Variants in KIF1A observed in about 807,000 individuals in gnomAD.
KIF1A encodes the protein kinesin-like protein KIF1A.
KIF1A carries 46 observed loss-of-function variants against 227.3 expected under a neutral mutation model. That is an observed-to-expected ratio of 0.20 (90% CI 0.16 to 0.26). KIF1A has a LOEUF of 0.26. KIF1A is among the 10% of genes least tolerant of loss of function. KIF1A has a pLI of 1.00. For missense variants in KIF1A, 1,683 were observed against 2,485.9 expected (o/e 0.68, Z 6.87); for synonymous variants, 1,022 against 1,012.8 (o/e 1.01, Z -0.17).
rs1034765624 is a variant in KIF1A, at chr2:240,757,513, G to C, written c.2664C>G (p.Pro888=). The C allele has an allele frequency of 6.4e-7, 1 of 1,550,554 alleles. No homozygotes were observed. The highest frequency in any genetic ancestry group is 8.7e-7 in the Non-Finnish European group (1 of 1,146,982). ...CGTCGGAGTCGGGGCTCGAGAAGGT[G>C]GGGGAGGGGGTGAGAGCAGCCATGC... ...SERMAALTPS[P]TFSSPDSDAT... is the part of the protein sequence containing the mutation. The change falls in exon 27 of 49, where the codon CCC becomes CCG. Residue 888 remains proline (P), a synonymous_variant. Coordinates refer to ENST00000498729, the MANE Select transcript of KIF1A (RefSeq NM_001244008.2). This position sits in a 1 kb window ranked among gnomAD's most constrained non-coding sequence, Gnocchi z 6.2.
chr2:240,782,555 C>T (rs2054203326), intron 10 of KIF1A, 35 bp downstream of exon 10: 11 of 1,550,116 alleles, frequency 7.1e-6, no homozygotes, highest in South Asian at 1.2e-5. Flanking sequence ...CACCAGCCTC[C>T]CGCACCTGCC....
In KIF1A at chr2:240,746,055, G is replaced by A; in HGVS notation, c.3186C>T (p.Asn1062=). ...GCGACCCACCTGAACAGGTGTTGTT[G>A]TTGACTTCATCGGCTGAGGGCCCCA... ...ADVGPSADEV[N]NNTCSAVPPE... Residue 1062 remains asparagine (N), a synonymous_variant, in exon 30 of 49, where the codon AAC becomes AAT. Transcript: ENST00000498729. 2 of 1,606,838 alleles carry A rather than the reference G, an allele frequency of 1.2e-6. No homozygotes were observed. The highest frequency in any genetic ancestry group is 1.1e-5 in the South Asian group (1 of 89,534).
intron 20 of KIF1A, among the ~76,000 whole-genome samples, chr2:240,763,735 C>T (rs2050812153): frequency 6.6e-6 from 1 of 152,234 alleles, no homozygotes; most frequent in Admixed American, 6.5e-5. Flanking sequence ...GGACTTGGGC[C>T]CTCCACAGAG....
chr2:240,719,690 C>A, intron 46 of KIF1A, 84 bp downstream of exon 46: 6 of 1,393,584 alleles, frequency 4.3e-6, no homozygotes, highest in Non-Finnish European at 5.7e-6. Context: ...GTCCCTGTGC[C>A]CCCAGTATGG....
chr2:240,721,845 T>G lies in KIF1A; in HGVS notation c.4705A>C (p.Thr1569Pro), dbSNP rs770450426. The G allele has an allele frequency of 1.1e-5, 17 of 1,607,568 alleles. No homozygotes were observed. The highest frequency in any genetic ancestry group is 1.4e-5 in the Non-Finnish European group (16 of 1,179,412). The change falls in exon 44 of 49, where the codon ACA (threonine) becomes CCA (proline). Residue 1569 changes from threonine (T) to proline (P), a missense_variant. Transcript: ENST00000498729. ...GCACTGACGCAGACGTGGCTGTGTGTGTACTCTCTGTTGAATGTGTGCGTG... is the reference window on the plus strand; with the variant it reads ...GCACTGACGCAGACGTGGCTGTGTGGGTACTCTCTGTTGAATGTGTGCGTG... ...LLTHTFNREY[T>P]HSHVCVSASE...
In KIF1A at chr2:240,766,453, A is replaced by G. The variant is rs2051191062; in HGVS notation, c.1684+462T>C. ...GATGGCCGCCCACAGCCAACAGGAA[A>G]CCAAGGTCTGGAAATAGTTTTCCAC... On this transcript the variant is annotated intron_variant, in intron 19 of 48. Coordinates refer to ENST00000498729, the MANE Select transcript of KIF1A (RefSeq NM_001244008.2). This position sits in a 1 kb window ranked among gnomAD's most constrained non-coding sequence, Gnocchi z 5.0. Among the ~76,000 whole-genome samples, 1 of 152,144 alleles carries G rather than the reference A, an allele frequency of 6.6e-6. No homozygotes were observed. Among genetic ancestry groups the G allele is most frequent in the Admixed American group, 6.5e-5 (1 of 15,278 alleles).
Position 240,792,523 on chromosome 2 carries a change from G to A in KIF1A, c.107-3211C>T, listed in dbSNP as rs888214637. 6.6e-6 allele frequency among the ~76,000 whole-genome samples: 1 copy of A among 152,128 alleles called. No homozygotes were observed. Among genetic ancestry groups the A allele is most frequent in the Non-Finnish European group, 1.5e-5 (1 of 68,008 alleles). On this transcript the variant is annotated intron_variant, in intron 2 of 48. Transcript: ENST00000498729. The surrounding 1 kb of genome is among the most constrained non-coding windows in gnomAD (Gnocchi z 4.5). Reference sequence around the variant, plus strand: ...ACACCGAGACGACAGAGACAGCGGGGGGAGGGTTGGGGTGAGGAGTGGGGG... The same window carrying A: ...ACACCGAGACGACAGAGACAGCGGGAGGAGGGTTGGGGTGAGGAGTGGGGG...
Position 240,758,455 on chromosome 2 carries a change from T to G in KIF1A, c.2487A>C (p.Ala829=). The part of the protein sequence containing the change: ...DLMREMYDRA[A]EVPSSVIEDC... ...CCTCGATGACACTGGAGGGCACCTC[T>G]GCAGCGCGGTCGTACATCTCCCGCA... Residue 829 remains alanine, a synonymous_variant, in exon 26 of 49, where the codon GCA becomes GCC. Transcript: ENST00000498729. This position sits in a 1 kb window ranked among gnomAD's most constrained non-coding sequence, Gnocchi z 5.2. 1 of 1,609,820 alleles carries G rather than the reference T, an allele frequency of 6.2e-7. No homozygotes were observed. The highest frequency in any genetic ancestry group is 8.5e-7 in the Non-Finnish European group (1 of 1,177,880).
At position 240,726,924 on chromosome 2, in the gene KIF1A, C is replaced by T; in HGVS notation, c.4024G>A (p.Glu1342Lys). Residue 1342 changes from glutamate to lysine, a missense_variant, in exon 39 of 49, where the codon GAG (glutamate) becomes AAG (lysine). Glu to Lys is a moderately conservative substitution (Grantham distance 56). Transcript: ENST00000498729. This position sits in a 1 kb window ranked among gnomAD's most constrained non-coding sequence, Gnocchi z 5.2. ...TGCATGGAGCTGTCCCACGCAGCCT[C>T]AAATTGGTAAAAGGTCCTGAAAGGA... ...AQDDRTFYQF[E>K]AAWDSSMHNS... 1.9e-6 allele frequency: 3 copies of T among 1,606,836 alleles called. No individual in the cohort carries two copies. Among genetic ancestry groups the T allele is most frequent in the Non-Finnish European group, 2.6e-6 (3 of 1,175,512 alleles).
rs2125824773 is a variant in KIF1A at position 240,750,435 on chromosome 2, T to C, written c.2971A>G (p.Ile991Val). The change falls in exon 28 of 49, where the codon ATC becomes GTC. Residue 991 changes from isoleucine to valine, a missense_variant. Coordinates refer to ENST00000498729, the MANE Select transcript of KIF1A (RefSeq NM_001244008.2). ...GCCTTTGGCCCACACGCACCTGAGA[T>C]GGCCTGGACGGCCACGCGGAGGAAG... ...KGFLRVAVQA[I>V]SADEEAPDYG... is the part of the protein sequence containing the mutation. 1 of 1,612,842 alleles carries C rather than the reference T, an allele frequency of 6.2e-7. No individual in the cohort carries two copies. The highest frequency in any genetic ancestry group is 8.5e-7 in the Non-Finnish European group (1 of 1,178,988).
intron 25 of KIF1A, among the ~76,000 whole-genome samples, chr2:240,759,696 G>A (rs1366814438): frequency 6.6e-6 from 1 of 152,198 alleles, no homozygotes; most frequent in Non-Finnish European, 1.5e-5. Context: ...CTCACATGGT[G>A]ACTCAGTCAC....
At chr2:240,784,073 G>T (rs571613740) in intron 7 of KIF1A, among the ~76,000 whole-genome samples, 1 of 152,310 alleles carries the variant, frequency 6.6e-6, no homozygotes, top group South Asian at 2.1e-4. Flanking sequence ...GCCACCACAC[G>T]CTGGGTGGTT....
At chr2:240,816,843 C>T (rs1296889672) in intron 1 of KIF1A, among the ~76,000 whole-genome samples, 1 of 152,200 alleles carries the variant, frequency 6.6e-6, no homozygotes, top group Non-Finnish European at 1.5e-5. Flanking sequence ...TCAGGAGGCT[C>T]AGTCTCCACC....
rs962460784 is a variant in KIF1A, at chr2:240,723,988, G to A, written c.4305C>T (p.Asp1435=). 8.7e-6 allele frequency: 14 copies of A among 1,612,386 alleles called. No individual in the cohort carries two copies. Among genetic ancestry groups the A allele is most frequent in the South Asian group, 3.3e-5 (3 of 91,070 alleles). Residue 1435 remains aspartate (D), a synonymous_variant, in exon 41 of 49, where the codon GAC becomes GAT. Transcript: ENST00000498729. ...VYELSLCHVA[D]AGSPGMQRRR... is the part of the protein sequence containing the mutation. ...GCAGATACCTACCTGGGCTGCCCGCGTCAGCCACGTGGCACAGGCTGAGCT... is the reference window on the plus strand; with the variant it reads ...GCAGATACCTACCTGGGCTGCCCGCATCAGCCACGTGGCACAGGCTGAGCT...
At chr2:240,748,721 G>T in intron 28 of KIF1A, 1 of 283,536 alleles carries the variant, frequency 3.5e-6, no homozygotes, top group Non-Finnish European at 7.6e-6. Context: ...CCCCAGCTGG[G>T]CCCCCTGATT....
At chr2:240,727,452 C>T (rs1438868413) in intron 38 of KIF1A, among the ~76,000 whole-genome samples, 1 of 152,184 alleles carries the variant, frequency 6.6e-6, no homozygotes, top group African/African-American at 2.4e-5. Context: ...CTCCCTGGAC[C>T]TGAAGGGGAC....
chr2:240,798,035 T>C (rs1274736069), intron 1 of KIF1A: 1 of 350,346 alleles, frequency 2.9e-6, no homozygotes, highest in Non-Finnish European at 5.2e-6. Flanking sequence ...CTGAGGAAGC[T>C]GAAACCCAAC....
chr2:240,738,227 C>T (rs1216829839), intron 37 of KIF1A, among the ~76,000 whole-genome samples: 1 of 152,210 alleles, frequency 6.6e-6, no homozygotes, highest in Admixed American at 6.5e-5. Context: ...AAGTACCTGG[C>T]CCACAAAACT....
chr2:240,743,236 G>C (rs771309224), intron 33 of KIF1A, among the ~76,000 whole-genome samples: 1 of 152,184 alleles, frequency 6.6e-6, no homozygotes, highest in Non-Finnish European at 1.5e-5. Flanking sequence ...AGGCACTCGC[G>C]AGGACAGACA....
Sources: allele counts gnomAD v4.1 joint callset (sites outside exome capture counted in the v4.1 genomes callset), GRCh38; gene constraint gnomAD v4.1.1; non-coding constraint Gnocchi (gnomAD v3.1); transcripts MANE v1.5; gene names NCBI Gene and HGNC (gene_info 2026-07-23, HGNC 2026-07-21).